The following WDR47 variants were observed in gnomAD, a reference collection of about 807,000 sequenced individuals.
The protein encoded by WDR47 is WD repeat domain 47.
WDR47 carries 32 observed loss-of-function variants against 97.2 expected under a neutral mutation model. The ratio of observed to expected loss-of-function variants is 0.33; its 90% CI spans 0.25 to 0.44. The LOEUF is 0.44. Among genes scored for constraint, WDR47 ranks in the 20% least tolerant of loss-of-function variants. The pLI, the probability that WDR47 is intolerant of heterozygous loss-of-function variation, is 1.00. For synonymous variants in WDR47, 375 were observed against 373.5 expected (o/e 1.00, Z -0.05); for missense variants, 782 against 1,102.3 (o/e 0.71, Z 4.11).
intron 13 of WDR47, among the ~76,000 whole-genome samples, chr1:108,976,664 T>C (rs961929543): frequency 1.3e-5 from 2 of 152,014 alleles, no homozygotes; most frequent in African/African-American, 4.8e-5. Flanking sequence ...AGTTCAGTAA[T>C]AGAAAATAAT....
intron 1 of WDR47, chr1:109,030,005 A>G (rs1662503939): frequency 2.5e-6 from 1 of 401,838 alleles, no homozygotes; most frequent in Non-Finnish European, 4.4e-6. Context: ...AACCAAATAT[A>G]AGCAGATATG....
At chr1:109,010,008 C>A (rs1361470282) in intron 5 of WDR47, among the ~76,000 whole-genome samples, 9 of 150,526 alleles carry the variant, frequency 6.0e-5, no homozygotes, top group Non-Finnish European at 3.0e-5. Context: ...CAAAAAAAAA[C>A]AAAAAAACAA....
intron 1 of WDR47, among the ~76,000 whole-genome samples, chr1:109,024,302 A>G (rs183795085): frequency 2.0e-5 from 3 of 152,250 alleles, no homozygotes; most frequent in African/African-American, 7.2e-5. Context: ...AAAAATTAAA[A>G]AATTAGCAGG....
chr1:109,029,263 G>A (rs1484040891), intron 1 of WDR47, among the ~76,000 whole-genome samples: 1 of 152,174 alleles, frequency 6.6e-6, no homozygotes, highest in Non-Finnish European at 1.5e-5. Context: ...AGTGGCTCAT[G>A]GCTATAATCC....
intron 8 of WDR47, among the ~76,000 whole-genome samples, chr1:108,994,350 T>A (rs376812423): frequency 4.8e-4 from 73 of 152,220 alleles, no homozygotes; most frequent in Middle Eastern, 3.4e-3. Context: ...TGAGCTGAGA[T>A]TACACCACTG....
intron 9 of WDR47, among the ~76,000 whole-genome samples, chr1:108,990,235 GT>G (rs1659217822): frequency 6.6e-6 from 1 of 151,824 alleles, no homozygotes; most frequent in African/African-American, 2.4e-5. Flanking sequence ...TGGAGACAGA[GT>G]CTTGCTCTGT....
At chr1:109,013,778 G>T in intron 4 of WDR47, 63 bp downstream of exon 4, 1 of 1,548,948 alleles carries the variant, frequency 6.5e-7, no homozygotes, top group South Asian at 1.2e-5. Flanking sequence ...TCGTTTTAGT[G>T]ACTAAAATAC....
chr1:108,999,512 T>C (rs1454137886), intron 7 of WDR47, among the ~76,000 whole-genome samples: 1 of 151,850 alleles, frequency 6.6e-6, no homozygotes. Flanking sequence ...AAGATCAGTC[T>C]AGGCAACATG....
intron 2 of WDR47, among the ~76,000 whole-genome samples, chr1:109,022,670 C>T (rs7523984): frequency 0.23 from 35,028 of 151,944 alleles, 4,219 homozygotes; most frequent in Admixed American, 0.3. Flanking sequence ...CTGGAACCTC[C>T]GTCTCCCTGG....
intron 9 of WDR47, among the ~76,000 whole-genome samples, chr1:108,990,103 T>C (rs1659200488): frequency 6.6e-6 from 1 of 152,192 alleles, no homozygotes; most frequent in Admixed American, 6.5e-5. Flanking sequence ...GCCTCCCACC[T>C]GTAATCCTGG....
intron 7 of WDR47, among the ~76,000 whole-genome samples, chr1:108,999,666 C>A (rs375445594): frequency 5.3e-5 from 8 of 151,196 alleles, no homozygotes; most frequent in African/African-American, 1.9e-4. Flanking sequence ...AGAGCGAGAC[C>A]CTGTCTCAAA....
At chr1:109,018,777 GCA>G (rs1171378234) in intron 2 of WDR47, among the ~76,000 whole-genome samples, 1 of 151,882 alleles carries the variant, frequency 6.6e-6, no homozygotes, top group Non-Finnish European at 1.5e-5. Flanking sequence ...TTGTGCCACT[GCA>G]CTCCAGCCTG....
chr1:109,004,788 AATTTT>A (rs1484252291), intron 5 of WDR47, 73 bp from the exon 6 acceptor site: 4 of 1,468,876 alleles, frequency 2.7e-6, no homozygotes, highest in Admixed American at 4.8e-5. Context: ...TAGTTAGAGA[AATTTT>A]ATTTTATTAT....
intron 2 of WDR47, among the ~76,000 whole-genome samples, chr1:109,020,071 A>C (rs1357705466): frequency 6.6e-6 from 1 of 151,650 alleles, no homozygotes; most frequent in Admixed American, 6.6e-5. Context: ...ATATAGCAAG[A>C]TCCTACCTTT....
intron 1 of WDR47, among the ~76,000 whole-genome samples, chr1:109,026,349 CTTT>C (rs57431054): frequency 6.9e-6 from 1 of 145,770 alleles, no homozygotes; most frequent in Non-Finnish European, 1.5e-5. Context: ...CCGTGCCCAC[CTTT>C]TTTTTTTTTT....
At chr1:109,036,244 A>G (rs1020654781) in intron 1 of WDR47, among the ~76,000 whole-genome samples, 1 of 152,032 alleles carries the variant, frequency 6.6e-6, no homozygotes, top group Non-Finnish European at 1.5e-5. Flanking sequence ...CACTCCCGTC[A>G]TCCTCCTCTA....
intron 13 of WDR47, among the ~76,000 whole-genome samples, chr1:108,975,713 A>C (rs1657838110): frequency 6.6e-6 from 1 of 152,020 alleles, no homozygotes; most frequent in Non-Finnish European, 1.5e-5. Context: ...ACTGCTCTAG[A>C]CCAAAGTGGT....
intron 14 of WDR47, 54 bp from the exon 15 acceptor site, chr1:108,971,626 T>C: frequency 1.3e-6 from 2 of 1,586,942 alleles, no homozygotes; most frequent in East Asian, 2.2e-5. Flanking sequence ...TATGTATAGA[T>C]TGTATAGACT....
intron 14 of WDR47, 141 bp from the exon 15 acceptor site, chr1:108,971,713 G>T: frequency 2.2e-6 from 2 of 890,844 alleles, no homozygotes; most frequent in Non-Finnish European, 1.6e-6. Flanking sequence ...TTTATACAGG[G>T]ATAAATTACT....
Sources: gnomAD v4.1 joint callset for allele counts (sites outside exome capture counted in the v4.1 genomes callset) on GRCh38, gnomAD v4.1.1 for gene constraint, MANE v1.5 for transcripts, NCBI Gene and HGNC (gene_info 2026-07-23, HGNC 2026-07-21) for gene names.